ZNHIT3: variants seen among roughly 807,000 people sequenced by gnomAD.
ZNHIT3 encodes the protein zinc finger HIT domain-containing protein 3.
ZNHIT3 carries 27 observed loss-of-function variants against 19.9 expected under a neutral mutation model. The ratio of observed to expected loss-of-function variants is 1.36; its 90% CI spans 1.00 to 1.87. The LOEUF (loss-of-function observed/expected upper bound fraction) is 1.87. Ranked by LOEUF, ZNHIT3 falls within the 40% of genes most tolerant of loss-of-function variation. The pLI is 0.00. For synonymous variants in ZNHIT3, 81 were observed against 65.7 expected, an observed-to-expected ratio of 1.23 and a Z score of -1.13; for missense variants, 215 against 185.6, an observed-to-expected ratio of 1.16 and a Z score of -0.92.
rs759596625 is a variant in ZNHIT3 at position 36,492,863 on chromosome 17, C to T, written c.169C>T (p.Leu57Phe). ...TGTTGAGAAAAAAATAAGATCAGCT[C>T]TTCCTACCAAAACCGTAAAGCCTGT... Reference protein sequence around the residue: ...RPVEKKIRSALPTKTVKPVEN... With the variant: ...RPVEKKIRSAFPTKTVKPVEN... Residue 57 changes from leucine (L) to phenylalanine (F), a missense_variant, in exon 3 of 5, where the codon CTT (leucine) becomes TTT (phenylalanine). Coordinates refer to ENST00000617429, the MANE Select transcript of ZNHIT3 (RefSeq NM_004773.4). The T allele has an allele frequency of 1.9e-6, 3 of 1,614,192 alleles. No individual in the cohort carries two copies. Among genetic ancestry groups the T allele is most frequent in the Non-Finnish European group, 2.5e-6 (3 of 1,180,042 alleles).
At chr17:36,489,623 C>T (rs2070678222) in intron 2 of ZNHIT3, 2 of 151,188 alleles carry the variant, frequency 1.3e-5, no homozygotes, top group Admixed American at 1.3e-4. Context: ...GCTCATTTGC[C>T]CATTTTTTTT....
rs1471365910 is a variant in ZNHIT3 at position 36,495,321 on chromosome 17, G to T, written c.385G>T (p.Ala129Ser). The change falls in exon 5 of 5, where the codon GCT (alanine) becomes TCT (serine). Residue 129 changes from alanine to serine, a missense_variant. Ala to Ser is a moderately conservative substitution (Grantham distance 99, BLOSUM62 1). Transcript: ENST00000617429. ...QGEDKAKLMR[A>S]YMQEPLFVEF... ...AGAAGACAAAGCAAAGCTCATGAGA[G>T]CTTACATGCAAGAGCCTTTGTTTGT... 1.9e-6 allele frequency: 3 copies of T among 1,613,860 alleles called. No homozygotes were observed. Among genetic ancestry groups the T allele is most frequent in the Admixed American group, 3.3e-5 (2 of 59,878 alleles).
rs1400234397 is a variant in ZNHIT3 at position 36,493,925 on chromosome 17, G to A, written c.206-1G>A. 6.2e-7 allele frequency: 1 copy of A among 1,610,496 alleles called. No individual in the cohort carries two copies. Among genetic ancestry groups the A allele is most frequent in the East Asian group, 2.2e-5 (1 of 44,870 alleles). On this transcript the variant is annotated splice_acceptor_variant, in intron 3 of 4. Coordinates refer to ENST00000617429, the MANE Select transcript of ZNHIT3 (RefSeq NM_004773.4). LOFTEE classifies it high-confidence loss of function. ...GCCATTGACTGTTTTGTATTCCTTA[G>A]ATGATGATGACTCTATAGCTGATTT...
At chr17:36,489,458 T>C (rs1405668624) in intron 2 of ZNHIT3, 1 of 152,132 alleles carries the variant, frequency 6.6e-6, no homozygotes, top group Non-Finnish European at 1.5e-5. Context: ...CTTGCCAACA[T>C]GTTTTTTTCT....
intron 3 of ZNHIT3, 124 bp from the exon 4 acceptor site, chr17:36,493,802 T>C: frequency 1.5e-6 from 1 of 689,448 alleles, no homozygotes; most frequent in East Asian, 2.5e-5. Context: ...CTGTACCTGC[T>C]TGAATACCCC....
downstream of ZNHIT3, chr17:36,496,140 T>C (rs2070944791): frequency 7.1e-7 from 1 of 1,414,640 alleles, no homozygotes; most frequent in African/African-American, 1.4e-5. Flanking sequence ...TCACTGTTGT[T>C]CATGTGCATT....
At chr17:36,497,189 T>C (rs1052983795), downstream of ZNHIT3, among the ~76,000 whole-genome samples, 3 of 149,412 alleles carry the variant, frequency 2.0e-5, no homozygotes, top group Non-Finnish European at 4.5e-5. Context: ...AAAAAAAATA[T>C]AGCCAGGCAT....
rs1363071791 is a variant in ZNHIT3 at position 36,486,977 on chromosome 17, T to C, written c.118+11T>C. ...TCCGGAAGCACAAAGGTGAGCCCCG[T>C]CCCCGCCAGCCCTCGTACCACTGCG... On this transcript the variant is annotated intron_variant, in intron 2 of 4. Coordinates refer to ENST00000617429, the MANE Select transcript of ZNHIT3 (RefSeq NM_004773.4). The C allele has an allele frequency of 3.1e-6, 5 of 1,610,612 alleles. No individual in the cohort carries two copies. Among genetic ancestry groups the C allele is most frequent in the Non-Finnish European group, 4.2e-6 (5 of 1,179,338 alleles).
intron 1 of ZNHIT3, 41 bp downstream of exon 1, chr17:36,486,826 G>T: frequency 6.2e-7 from 1 of 1,603,212 alleles, no homozygotes; most frequent in Non-Finnish European, 8.5e-7. Flanking sequence ...GCGGGTGTCC[G>T]GCCATGGCGG....
downstream of ZNHIT3, chr17:36,495,962 A>AT (rs2070931445): frequency 1.1e-6 from 1 of 904,864 alleles, no homozygotes. Context: ...ACAGACAGTC[A>AT]TGACTGCTGC....
chr17:36,497,620 T>A, downstream of ZNHIT3: 4 of 876,664 alleles, frequency 4.6e-6, no homozygotes, highest in Non-Finnish European at 5.5e-6. Context: ...ACTCTCGTCC[T>A]GTCACCCAGG....
downstream of ZNHIT3, among the ~76,000 whole-genome samples, chr17:36,497,092 G>A (rs2071046097): frequency 6.6e-6 from 1 of 152,004 alleles, no homozygotes; most frequent in Non-Finnish European, 1.5e-5. Context: ...CACTTTGGGA[G>A]GGCAAGGCAG....
intron 2 of ZNHIT3, chr17:36,489,380 A>G (rs2070672286): frequency 6.6e-6 from 1 of 152,212 alleles, no homozygotes; most frequent in African/African-American, 2.4e-5. Context: ...GCTGTTTTCC[A>G]TAATGACTAT....
rs1257559961 is a variant in ZNHIT3 at position 36,486,947 on chromosome 17, C to T, written c.99C>T (p.Val33=). The T allele has an allele frequency of 1.9e-6, 3 of 1,611,472 alleles. No individual in the cohort carries two copies. The highest frequency in any genetic ancestry group is 1.1e-5 in the South Asian group (1 of 90,856). Residue 33 remains valine (V), a synonymous_variant, in exon 2 of 5, where the codon GTC becomes GTT. Transcript: ENST00000617429. ...PACRVPYCSV[V]CFRKHKEQCN... is the part of the protein sequence containing the mutation. Reference sequence around the variant, plus strand: ...TCTGTTGTTACAGCTGCTCGGTAGTCTGCTTCCGGAAGCACAAAGGTGAGC... The same window carrying T: ...TCTGTTGTTACAGCTGCTCGGTAGTTTGCTTCCGGAAGCACAAAGGTGAGC...
At position 36,486,715 on chromosome 17, in the gene ZNHIT3, T is replaced by C. The variant is rs766104988; in HGVS notation, c.16T>C (p.Cys6Arg). The change falls in exon 1 of 5, where the codon TGT (cysteine) becomes CGT (arginine). Residue 6 changes from cysteine (C) to arginine (R), a missense_variant. By Grantham distance (180) the Cys-to-Arg change is radical. Transcript: ENST00000617429. Reference sequence around the variant, plus strand: ...CCACAAAACCATGGCGTCGCTCAAATGTAGCACCGTCGTCTGCGTGATCTG... The same window carrying C: ...CCACAAAACCATGGCGTCGCTCAAACGTAGCACCGTCGTCTGCGTGATCTG... MASLKCSTVVCVICLE... is the reference protein window; with the variant it reads MASLKRSTVVCVICLE... The C allele has an allele frequency of 6.2e-7, 1 of 1,613,844 alleles. No individual in the cohort carries two copies. The highest frequency in any genetic ancestry group is 8.5e-7 in the Non-Finnish European group (1 of 1,179,890).
At chr17:36,499,284 A>C (rs2071288033), downstream of ZNHIT3, 1 of 620,850 alleles carries the variant, frequency 1.6e-6, no homozygotes, top group Non-Finnish European at 2.8e-6. Flanking sequence ...TTTTTCAATA[A>C]ATTGCTACAA....
rs1239931544 is a variant in ZNHIT3 at position 36,495,320 on chromosome 17, A to T, written c.384A>T (p.Arg128Ser). 1 of 1,613,836 alleles carries T rather than the reference A, an allele frequency of 6.2e-7. No individual in the cohort carries two copies. Among genetic ancestry groups the T allele is most frequent in the Non-Finnish European group, 8.5e-7 (1 of 1,179,974 alleles). Residue 128 changes from arginine to serine, a missense_variant, in exon 5 of 5, where the codon AGA (arginine) becomes AGT (serine). Transcript: ENST00000617429. ...GAGAAGACAAAGCAAAGCTCATGAG[A>T]GCTTACATGCAAGAGCCTTTGTTTG... ...DQGEDKAKLM[R>S]AYMQEPLFVE... is the part of the protein sequence containing the mutation.
At chr17:36,498,936 G>A, downstream of ZNHIT3, 1 of 667,582 alleles carries the variant, frequency 1.5e-6, no homozygotes. Context: ...GCATACATGA[G>A]GAATATGAGG....
At chr17:36,495,163 A>G (rs2070865372) in intron 4 of ZNHIT3, 60 bp from the exon 5 acceptor site, 1 of 1,509,932 alleles carries the variant, frequency 6.6e-7, no homozygotes, top group Admixed American at 2.4e-5. Context: ...TTCACTTTTC[A>G]GCCATCTCCA....
Sources: allele counts gnomAD v4.1 joint callset (sites outside exome capture counted in the v4.1 genomes callset), GRCh38; gene constraint gnomAD v4.1.1; transcripts MANE v1.5; gene names NCBI Gene and HGNC (gene_info 2026-07-23, HGNC 2026-07-21).